The following MYO5A variants were observed in gnomAD, a reference collection of about 807,000 sequenced individuals.
The protein encoded by MYO5A is unconventional myosin-Va.
A neutral mutation model predicts 249.7 loss-of-function variants in MYO5A; 98 were observed. The observed-to-expected ratio is 0.39, with a 90% confidence interval of 0.33 to 0.46. The LOEUF (loss-of-function observed/expected upper bound fraction) is 0.46. Among genes scored for constraint, MYO5A ranks in the 20% least tolerant of loss-of-function variants. The probability of loss-of-function intolerance (pLI) is 0.98; values close to 1 mark genes in which losing one functional copy is unlikely to be tolerated. For synonymous variants in MYO5A, 778 were observed against 810.6 expected, an observed-to-expected ratio of 0.96 and a Z score of 0.68; for missense variants, 1,696 against 2,308.8, an observed-to-expected ratio of 0.73 and a Z score of 5.44.
chr15:52,414,741 C>G (rs971136631), intron 5 of MYO5A, among the ~76,000 whole-genome samples: 1 of 152,144 alleles, frequency 6.6e-6, no homozygotes, highest in African/African-American at 2.4e-5. Flanking sequence ...AGAAAAGAAG[C>G]CCTGTTGTTT....
At position 52,387,882 on chromosome 15, in the gene MYO5A, T is replaced by G; in HGVS notation, c.1699A>C (p.Lys567Gln). The change falls in exon 14 of 42, where the codon AAG (lysine) becomes CAG (glutamine). Residue 567 changes from lysine (K) to glutamine (Q), a missense_variant. Physicochemically the swap from Lys to Gln is moderately conservative, Grantham distance 53 (BLOSUM62 1). Around this residue, in one of 5 missense-constraint regions of MYO5A, gnomAD observed 277 missense variants for 422.4 expected, o/e 0.66. Transcript: ENST00000399233. ...VEYQCEGFLE[K>Q]NKDTVFEEQI... ...TCTTCAAAAACGGTGTCTTTATTCT[T>G]TTCGAGAAATCCTTCACACTGGTAT... 2 of 1,612,592 alleles carry G rather than the reference T, an allele frequency of 1.2e-6. No individual in the cohort carries two copies. Among genetic ancestry groups the G allele is most frequent in the Admixed American group, 1.7e-5 (1 of 60,014 alleles).
At chr15:52,461,119 A>G (rs958451485) in intron 1 of MYO5A, among the ~76,000 whole-genome samples, 3 of 151,928 alleles carry the variant, frequency 2.0e-5, no homozygotes, top group Admixed American at 6.6e-5. Flanking sequence ...TGCCTGTTTA[A>G]TTTTTGTATT....
chr15:52,396,308 A>T lies in MYO5A; in HGVS notation c.1401+8T>A. ...AGCAGAGTATTATTCAAGGAAGAAC[A>T]TTCTTACCATATTGAATTGTTGCTG... On this transcript the variant is annotated splice_region_variant and intron_variant, in intron 11 of 41. Coordinates refer to ENST00000399233, the MANE Select transcript of MYO5A (RefSeq NM_001382347.1). The T allele has an allele frequency of 6.8e-7, 1 of 1,467,188 alleles. No homozygotes were observed. The highest frequency in any genetic ancestry group is 9.5e-7 in the Non-Finnish European group (1 of 1,051,290). 90.9% of individuals were successfully genotyped at this position (1,467,188 alleles called of 1,614,324 possible).
intron 25 of MYO5A, among the ~76,000 whole-genome samples, chr15:52,355,801 A>G (rs1163679118): frequency 1.4e-4 from 22 of 152,216 alleles, no homozygotes; most frequent in Admixed American, 1.4e-3. Flanking sequence ...AAGAGACTTG[A>G]GCATCCTTAG....
intron 1 of MYO5A, among the ~76,000 whole-genome samples, chr15:52,508,585 T>C (rs2077323368): frequency 6.6e-6 from 1 of 152,174 alleles, no homozygotes; most frequent in Non-Finnish European, 1.5e-5. Context: ...AGGCATACCA[T>C]TGGTTCCCTG....
intron 1 of MYO5A, among the ~76,000 whole-genome samples, chr15:52,474,519 G>A (rs1250770928): frequency 6.6e-6 from 1 of 152,150 alleles, no homozygotes; most frequent in East Asian, 1.9e-4. Flanking sequence ...GATATTGGCT[G>A]TGGGACTGTC....
At chr15:52,519,794 G>A (rs375076110) in intron 1 of MYO5A, among the ~76,000 whole-genome samples, 7 of 151,556 alleles carry the variant, frequency 4.6e-5, no homozygotes, top group Non-Finnish European at 7.4e-5. Context: ...GCACCGGCAC[G>A]ATCTCAACTC....
chr15:52,471,550 C>G (rs8030731), intron 1 of MYO5A, among the ~76,000 whole-genome samples: 32,051 of 151,224 alleles, frequency 0.21, 3,836 homozygotes, highest in African/African-American at 0.32. Flanking sequence ...AGCCCAGCAA[C>G]TTGAGGCCAG....
chr15:52,408,052 T>A lies in MYO5A; in HGVS notation c.838+7A>T. ...CCAGAACAATAAATTTAATGCCATATTCATACCTAATCGTAGCATTTTAAA... is the reference window on the plus strand; with the variant it reads ...CCAGAACAATAAATTTAATGCCATAATCATACCTAATCGTAGCATTTTAAA... On this transcript the variant is annotated splice_region_variant and intron_variant, in intron 7 of 41. Coordinates refer to ENST00000399233, the MANE Select transcript of MYO5A (RefSeq NM_001382347.1). 6.5e-7 allele frequency: 1 copy of A among 1,539,962 alleles called. No individual in the cohort carries two copies. Among genetic ancestry groups the A allele is most frequent in the Non-Finnish European group, 9.0e-7 (1 of 1,113,552 alleles).
Position 52,384,291 on chromosome 15 carries a change from T to A in MYO5A, c.1784A>T (p.Asp595Val). 1 of 1,614,182 alleles carries A rather than the reference T, an allele frequency of 6.2e-7. No individual in the cohort carries two copies. Among genetic ancestry groups the A allele is most frequent in the Non-Finnish European group, 8.5e-7 (1 of 1,180,006 alleles). Residue 595 changes from aspartate (D) to valine (V), a missense_variant, in exon 15 of 42, where the codon GAT (aspartate) becomes GTT (valine). Coordinates refer to ENST00000399233, the MANE Select transcript of MYO5A (RefSeq NM_001382347.1). The part of the protein sequence containing the change: ...FKMLPELFQD[D>V]EKAISPTSAT... ...TGAAGTTGGACTGATGGCCTTCTCATCATCTTGAAATAGTTCTGGTAGCAT... is the reference window on the plus strand; with the variant it reads ...TGAAGTTGGACTGATGGCCTTCTCAACATCTTGAAATAGTTCTGGTAGCAT...
intron 40 of MYO5A, among the ~76,000 whole-genome samples, chr15:52,316,086 T>C (rs191173148): frequency 1.8e-3 from 271 of 150,854 alleles, no homozygotes; most frequent in Non-Finnish European, 3.1e-3. Context: ...TACAAAAAAT[T>C]AGCCAGGCGT....
chr15:52,314,584 A>G (rs1442109750), intron 40 of MYO5A, among the ~76,000 whole-genome samples: 1 of 152,238 alleles, frequency 6.6e-6, no homozygotes, highest in African/African-American at 2.4e-5. Context: ...TTATTTTTAT[A>G]CAAATGGGAT....
chr15:52,391,989 A>G lies in MYO5A; in HGVS notation c.1483T>C (p.Cys495Arg). The G allele has an allele frequency of 1.2e-6, 2 of 1,611,546 alleles. No homozygotes were observed. Among genetic ancestry groups the G allele is most frequent in the Non-Finnish European group, 1.7e-6 (2 of 1,178,034 alleles). The part of the protein sequence containing the change: ...TLIDFYDNQP[C>R]INLIESKLGI... ...AGTTTTGATTCTATAAGATTAATAC[A>G]AGGCTGATTATCATAAAAATCTATG... Residue 495 changes from cysteine (C) to arginine (R), a missense_variant, in exon 12 of 42, where the codon TGT becomes CGT. Transcript: ENST00000399233.
Position 52,321,392 on chromosome 15 carries a change from G to T in MYO5A, c.4918C>A (p.Arg1640=), listed in dbSNP as rs1432810247. Reference sequence around the variant, plus strand: ...GGCTGAAGGATGTTCTCTAACACCCGCACGAGCTGCTGGTAGATCTGAATG... The same window carrying T: ...GGCTGAAGGATGTTCTCTAACACCCTCACGAGCTGCTGGTAGATCTGAATG... ...LAIQIYQQLV[R]VLENILQPMI... is the part of the protein sequence containing the mutation. The change falls in exon 38 of 42, where the codon CGG becomes AGG. Residue 1640 remains arginine (R), a synonymous_variant. Transcript: ENST00000399233. The T allele has an allele frequency of 1.9e-6, 3 of 1,614,176 alleles. No homozygotes were observed. The highest frequency in any genetic ancestry group is 1.7e-6 in the Non-Finnish European group (2 of 1,180,042).
intron 1 of MYO5A, among the ~76,000 whole-genome samples, chr15:52,454,292 G>GAGCATGTT (rs2076076454): frequency 6.6e-6 from 1 of 151,944 alleles, no homozygotes; most frequent in Admixed American, 6.6e-5. Context: ...AATGATAAAG[G>GAGCATGTT]GATCAATTAA....
intron 1 of MYO5A, among the ~76,000 whole-genome samples, chr15:52,528,000 A>G (rs1185656480): frequency 6.6e-6 from 1 of 152,172 alleles, no homozygotes; most frequent in African/African-American, 2.4e-5. Flanking sequence ...TCTCCATAAT[A>G]TGTCATTCAG....
intron 36 of MYO5A, among the ~76,000 whole-genome samples, chr15:52,325,396 C>T (rs976049431): frequency 1.3e-5 from 2 of 150,886 alleles, no homozygotes. Context: ...CTAGGCTTTG[C>T]TAAGCCCCCC....
chr15:52,488,136 A>C (rs2076862639), intron 1 of MYO5A, among the ~76,000 whole-genome samples: 1 of 152,148 alleles, frequency 6.6e-6, no homozygotes, highest in African/African-American at 2.4e-5. Flanking sequence ...TAAGGGGTTG[A>C]AAGAATTATG....
intron 17 of MYO5A, 40 bp from the exon 18 acceptor site, chr15:52,379,773 G>C: frequency 1.9e-6 from 3 of 1,613,802 alleles, no homozygotes; most frequent in South Asian, 2.2e-5. Flanking sequence ...TAAAGAACTA[G>C]GATCTTCTCC....
Sources: gnomAD v4.1 joint callset for allele counts (sites outside exome capture counted in the v4.1 genomes callset) on GRCh38, gnomAD v4.1.1 for gene constraint, gnomAD v4.1.1 regional missense constraint, MANE v1.5 for transcripts, NCBI Gene and HGNC (gene_info 2026-07-23, HGNC 2026-07-21) for gene names.